RBM19: variants seen among roughly 807,000 people sequenced by gnomAD.
RBM19 encodes the protein RNA binding motif protein 19, also known as probable RNA-binding protein 19.
RBM19 carries 94 observed loss-of-function variants against 116.8 expected under a neutral mutation model. That is an observed-to-expected ratio of 0.80 (90% confidence interval 0.68 to 0.95). The LOEUF is 0.95. RBM19 is among the 40% of genes least tolerant of loss of function. The pLI is 0.00. For missense variants in RBM19, 1,161 were observed against 1,220.7 expected (o/e 0.95, Z 0.73); for synonymous variants, 475 against 494.1 (o/e 0.96, Z 0.51).
At chr12:113,877,988 G>A (rs1879791151) in intron 21 of RBM19, among the ~76,000 whole-genome samples, 1 of 152,102 alleles carries the variant, frequency 6.6e-6, no homozygotes, top group African/African-American at 2.4e-5. Flanking sequence ...AAATATTTGG[G>A]GTAAATACAA....
chr12:113,963,606 C>T (rs1342835410), intron 1 of RBM19, among the ~76,000 whole-genome samples: 1 of 152,172 alleles, frequency 6.6e-6, no homozygotes, highest in Non-Finnish European at 1.5e-5. Flanking sequence ...ATGATCTGCC[C>T]AAGGCCTACA....
rs369747435 is a variant in RBM19, at chr12:113,915,078, C to T, written c.2449G>A (p.Val817Met). The T allele has an allele frequency of 2.8e-5, 45 of 1,613,934 alleles. No homozygotes were observed. The highest frequency in any genetic ancestry group is 3.3e-5 in the Non-Finnish European group (39 of 1,179,922). ...ACTTGTTTCTTCCGAGCCAATGTCA[C>T]GGCTGGCCTGGAGTGGTGGGGGGAG... is the stretch of plus-strand genomic sequence containing the variant. Reference protein sequence around the residue: ...RISERATKPAVTLARKKQVPR... With the variant: ...RISERATKPAMTLARKKQVPR... Residue 817 changes from valine (V) to methionine (M), a missense_variant, in exon 21 of 24, where the codon GTG (valine) becomes ATG (methionine). By Grantham distance (21) the Val-to-Met change is conservative (BLOSUM62 1). Coordinates refer to ENST00000261741, the MANE Select transcript of RBM19 (RefSeq NM_016196.4).
chr12:113,915,718 C>T (rs1352614427), intron 20 of RBM19, among the ~76,000 whole-genome samples: 4 of 152,224 alleles, frequency 2.6e-5, no homozygotes, highest in Non-Finnish European at 5.9e-5. Flanking sequence ...AGTAACATGG[C>T]CGCTCTGGGC....
chr12:113,844,960 T>C (rs1466826143), intron 22 of RBM19, among the ~76,000 whole-genome samples, 172 bp from the exon 23 acceptor site: 1 of 152,124 alleles, frequency 6.6e-6, no homozygotes, highest in Non-Finnish European at 1.5e-5. Flanking sequence ...TCTATTTAAT[T>C]AGTGGGTTGC....
chr12:113,861,271 C>A (rs1456270276), intron 21 of RBM19, among the ~76,000 whole-genome samples: 1 of 152,172 alleles, frequency 6.6e-6, no homozygotes, highest in Non-Finnish European at 1.5e-5. Context: ...AGGCCCCATA[C>A]GGGGTGGCTA....
At position 113,858,782 on chromosome 12, in the gene RBM19, C is replaced by T. The variant is rs2075385; in HGVS notation, c.2664+9G>A. ...CCTGGACAGGTGGGGAAGGGATTCA[C>T]GGTCTCACCTTCGCATCCTGCTTGG... On this transcript the variant is annotated intron_variant, in intron 22 of 23. Coordinates refer to ENST00000261741, the MANE Select transcript of RBM19 (RefSeq NM_016196.4). The T allele has an allele frequency of 0.078, 125,815 of 1,613,042 alleles. 7,113 individuals carry two copies. Among genetic ancestry groups the T allele is most frequent in the East Asian group, 0.34 (15,196 of 44,834 alleles).
At chr12:113,889,049 G>C (rs1043428275) in intron 21 of RBM19, among the ~76,000 whole-genome samples, 1 of 152,142 alleles carries the variant, frequency 6.6e-6, no homozygotes, top group African/African-American at 2.4e-5. Flanking sequence ...CCCTCTCCCC[G>C]CATGCCAACA....
At chr12:113,845,401 TGTTCCCGACTCCCACATGCTGCCTG>T (rs1393484286) in intron 22 of RBM19, among the ~76,000 whole-genome samples, 1 of 152,198 alleles carries the variant, frequency 6.6e-6, no homozygotes, top group African/African-American at 2.4e-5. Flanking sequence ...TACTCTTTGC[TGTTCCCGACTCCCACATGCTGCCTG>T]GTTCCCTCTT....
chr12:113,927,188 C>T lies in RBM19; in HGVS notation c.2110G>A (p.Glu704Lys). The change falls in exon 17 of 24, where the codon GAA becomes AAA. Residue 704 changes from glutamate (E) to lysine (K), a missense_variant. Coordinates refer to ENST00000261741, the MANE Select transcript of RBM19 (RefSeq NM_016196.4). ...TTTGCTGAAGAGTTGTCTGCTCCTTCCTCTGTTGGATTTTCATCTTCTGGG... is the reference window on the plus strand; with the variant it reads ...TTTGCTGAAGAGTTGTCTGCTCCTTTCTCTGTTGGATTTTCATCTTCTGGG... ...ETPEDENPTE[E>K]GADNSSAKME... 1 of 1,582,086 alleles carries T rather than the reference C, an allele frequency of 6.3e-7. No homozygotes were observed. The highest frequency in any genetic ancestry group is 8.6e-7 in the Non-Finnish European group (1 of 1,163,144).
intron 21 of RBM19, among the ~76,000 whole-genome samples, chr12:113,907,862 G>A (rs1209194409): frequency 6.6e-6 from 1 of 152,180 alleles, no homozygotes; most frequent in African/African-American, 2.4e-5. Flanking sequence ...ATATGGATGA[G>A]GTTGCAAGCT....
chr12:113,870,105 CAGG>C, intron 21 of RBM19, among the ~76,000 whole-genome samples: 1 of 152,174 alleles, frequency 6.6e-6, no homozygotes, highest in Admixed American at 6.5e-5. Context: ...AGTGATGAGG[CAGG>C]AGGAGAAGAT....
intron 21 of RBM19, among the ~76,000 whole-genome samples, chr12:113,864,119 C>G (rs1472366315): frequency 6.6e-6 from 1 of 152,142 alleles, no homozygotes; most frequent in Non-Finnish European, 1.5e-5. Flanking sequence ...GTGACTTGCC[C>G]AAGGTTCCAT....
chr12:113,878,090 A>T (rs538366243), intron 21 of RBM19, among the ~76,000 whole-genome samples: 78 of 152,290 alleles, frequency 5.1e-4, no homozygotes, highest in African/African-American at 1.7e-3. Context: ...GACAGAAATC[A>T]CATGGCCCAT....
At chr12:113,909,892 G>C (rs1021615349) in intron 21 of RBM19, among the ~76,000 whole-genome samples, 1 of 152,146 alleles carries the variant, frequency 6.6e-6, no homozygotes, top group Non-Finnish European at 1.5e-5. Flanking sequence ...TCACATACTT[G>C]ACTCATCTTT....
At chr12:113,823,961 C>T (rs963819885) in intron 23 of RBM19, among the ~76,000 whole-genome samples, 14 of 152,130 alleles carry the variant, frequency 9.2e-5, no homozygotes, top group African/African-American at 2.7e-4. Context: ...CCAGAGGAGG[C>T]GTGGAGGGAA....
At chr12:113,922,679 C>T (rs1868692359) in intron 18 of RBM19, among the ~76,000 whole-genome samples, 2 of 151,620 alleles carry the variant, frequency 1.3e-5, no homozygotes, top group Admixed American at 1.3e-4. Flanking sequence ...TGGTACTTAG[C>T]TGCCTTTCCT....
At chr12:113,832,799 T>C (rs115865496) in intron 23 of RBM19, among the ~76,000 whole-genome samples, 156 of 152,332 alleles carry the variant, frequency 1.0e-3, no homozygotes, top group African/African-American at 3.6e-3. Flanking sequence ...GCTTCACATC[T>C]TTGCTTGAAC....
chr12:113,817,559 A>G (rs1479484586), downstream of RBM19: 1 of 152,190 alleles, frequency 6.6e-6, no homozygotes, highest in Admixed American at 6.5e-5. Context: ...CCCAGTGCAA[A>G]CCAGCGGAGG....
At chr12:113,853,047 T>C (rs1430304243) in intron 22 of RBM19, among the ~76,000 whole-genome samples, 1 of 152,226 alleles carries the variant, frequency 6.6e-6, no homozygotes, top group African/African-American at 2.4e-5. Flanking sequence ...CTACAGGTCC[T>C]GTTTGGCTAG....
Sources: allele counts gnomAD v4.1 joint callset (sites outside exome capture counted in the v4.1 genomes callset), GRCh38; gene constraint gnomAD v4.1.1; transcripts MANE v1.5; gene names NCBI Gene and HGNC (gene_info 2026-07-23, HGNC 2026-07-21).